Variants in GFRA3 observed in about 807,000 individuals in gnomAD.
The protein encoded by GFRA3 is GDNF family receptor alpha-3.
GFRA3 carries 24 observed loss-of-function variants against 40.0 expected under a neutral mutation model. The ratio of observed to expected loss-of-function variants is 0.60; its 90% CI spans 0.43 to 0.84. GFRA3 has a LOEUF of 0.84. GFRA3 is among the 40% of genes least tolerant of loss of function. GFRA3 has a pLI of 0.00. For missense variants in GFRA3, 405 were observed against 530.6 expected, an observed-to-expected ratio of 0.76 and a Z score of 2.33; for synonymous variants, 203 against 213.5, an observed-to-expected ratio of 0.95 and a Z score of 0.43.
chr5:138,257,176 G>A (rs1366119902), intron 4 of GFRA3, among the ~76,000 whole-genome samples: 8 of 152,036 alleles, frequency 5.3e-5, no homozygotes, highest in Non-Finnish European at 2.9e-5. Context: ...GCTCAAGATC[G>A]CAGAGACCCA....
At chr5:138,271,892 G>GTT (rs772736464) in intron 1 of GFRA3, among the ~76,000 whole-genome samples, 1,189 of 59,546 alleles carry the variant, frequency 0.02, 158 homozygotes, top group Non-Finnish European at 0.027. Flanking sequence ...TTTCTTTTCT[G>GTT]TTTTTTTTTT....
At chr5:138,253,712 C>T in intron 6 of GFRA3, 54 bp downstream of exon 6, 1 of 1,568,620 alleles carries the variant, frequency 6.4e-7, no homozygotes, top group Non-Finnish European at 8.7e-7. Flanking sequence ...TTTTCCTTCC[C>T]TTGAGTCCAG....
At chr5:138,255,054 G>A (rs1174720890) in intron 4 of GFRA3, among the ~76,000 whole-genome samples, 1 of 149,650 alleles carries the variant, frequency 6.7e-6, no homozygotes, top group African/African-American at 2.5e-5. Context: ...AAGAGAGGAA[G>A]GAAGAAAGGA....
intron 2 of GFRA3, among the ~76,000 whole-genome samples, chr5:138,263,824 C>T (rs564178951): frequency 2.6e-5 from 4 of 152,138 alleles, no homozygotes; most frequent in Non-Finnish European, 5.9e-5. Flanking sequence ...CTTTCTGTGC[C>T]TTCTCTCTCT....
intron 3 of GFRA3, among the ~76,000 whole-genome samples, chr5:138,259,037 A>G (rs553510496): frequency 2.0e-4 from 31 of 152,338 alleles, no homozygotes; most frequent in Non-Finnish European, 3.2e-4. Context: ...CAATTAACTC[A>G]TAGCCTCACT....
intron 1 of GFRA3, among the ~76,000 whole-genome samples, chr5:138,265,377 C>T (rs761619288): frequency 6.6e-6 from 1 of 151,924 alleles, no homozygotes; most frequent in Admixed American, 6.6e-5. Flanking sequence ...CCATCACACG[C>T]CCAGCTAATT....
At chr5:138,263,964 C>T (rs1379757241) in intron 2 of GFRA3, among the ~76,000 whole-genome samples, 1 of 152,156 alleles carries the variant, frequency 6.6e-6, no homozygotes, top group African/African-American at 2.4e-5. Flanking sequence ...CATCTCCTGT[C>T]CATACCCGCT....
At chr5:138,259,957 G>A (rs1444436044) in intron 2 of GFRA3, among the ~76,000 whole-genome samples, 1 of 152,176 alleles carries the variant, frequency 6.6e-6, no homozygotes, top group Non-Finnish European at 1.5e-5. Context: ...ATGGTGCTCA[G>A]CACACAGTGT....
chr5:138,268,003 A>G (rs1755810944), intron 1 of GFRA3, among the ~76,000 whole-genome samples: 1 of 152,002 alleles, frequency 6.6e-6, no homozygotes, highest in Non-Finnish European at 1.5e-5. Flanking sequence ...ATGGATTAAG[A>G]ACTTAAATCT....
chr5:138,274,362 C>T lies in GFRA3; in HGVS notation c.63G>A (p.Leu21=). ...CTGCGAGAGGCAGCGGCGACGGCGG[C>T]AGCAGCAGCAGCAACATCAGGACTA... is the stretch of plus-strand genomic sequence containing the variant. ...PPVVLMLLLL[L]PPSPLPLAAG... is the part of the protein sequence containing the mutation. The change falls in exon 1 of 8, where the codon CTG becomes CTA. Residue 21 remains leucine, a synonymous_variant. Transcript: ENST00000274721. The T allele has an allele frequency of 7.5e-7, 1 of 1,326,402 alleles. No individual in the cohort carries two copies. Among genetic ancestry groups the T allele is most frequent in the Non-Finnish European group, 9.7e-7 (1 of 1,034,156 alleles). 82.2% of individuals were successfully genotyped at this position (1,326,402 alleles called of 1,614,324 possible).
In GFRA3 at chr5:138,253,033, G is replaced by T; in HGVS notation, c.1138C>A (p.Gln380Lys). The change falls in exon 8 of 8, where the codon CAG (glutamine) becomes AAG (lysine). Residue 380 changes from glutamine to lysine, a missense_variant. Transcript: ENST00000274721. ...GAGAAAAGAGAGGGCACCCAGGGCTGTGGCCTCACAGCAGGGTTTTCATTC... is the reference window on the plus strand; with the variant it reads ...GAGAAAAGAGAGGGCACCCAGGGCTTTGGCCTCACAGCAGGGTTTTCATTC... ...HQNENPAVRP[Q>K]PWVPSLFSCT... 1 of 1,602,976 alleles carries T rather than the reference G, an allele frequency of 6.2e-7. No individual in the cohort carries two copies. Among genetic ancestry groups the T allele is most frequent in the Non-Finnish European group, 8.5e-7 (1 of 1,170,138 alleles).
chr5:138,274,228 C>T lies in GFRA3; in HGVS notation c.91+106G>A. 2.3e-6 allele frequency: 3 copies of T among 1,282,382 alleles called. No homozygotes were observed. In the Middle Eastern group the frequency reaches 6.4e-4, roughly 274 times the overall value. 79.4% of individuals were successfully genotyped at this position (1,282,382 alleles called of 1,614,324 possible). On this transcript the variant is annotated intron_variant, in intron 1 of 7. Transcript: ENST00000274721. The stretch of plus-strand genomic sequence containing the variant: ...CAGTTCCCCTTGTTCGGCTCGGATG[C>T]ACCGGGAGGCTGCTGCGCCCTCTCC...
In GFRA3 at chr5:138,271,898, T is replaced by G. The variant is rs905382983; in HGVS notation, c.91+2436A>C. ...CGGCAGTATTTTCTTTTCTGTTTTT[T>G]TTTTTTTTTTTTTTTTGTGTGTGTG... is the stretch of plus-strand genomic sequence containing the variant. On this transcript the variant is annotated intron_variant, in intron 1 of 7. Coordinates refer to ENST00000274721, the MANE Select transcript of GFRA3 (RefSeq NM_001496.4). 2.8e-3 allele frequency among the ~76,000 whole-genome samples: 302 copies of G among 108,228 alleles called. 8 individuals are homozygous for G. The East Asian group carries it at 0.053, about 19-fold the overall frequency. The allele number at this position is 108,228 out of a possible 152,430, so 71.0% of individuals were successfully genotyped here. A position where few individuals can be genotyped will look rare whatever the true frequency, so the allele number is the denominator to read the frequency against.
chr5:138,254,030 G>A lies in GFRA3; in HGVS notation c.889+27C>T, dbSNP rs77183860. ...TACCCTCAGGCCTAGCCAACATAGG[G>A]TTCCCTACACATGCCCCCAGCCTCA... On this transcript the variant is annotated intron_variant, in intron 5 of 7. Coordinates refer to ENST00000274721, the MANE Select transcript of GFRA3 (RefSeq NM_001496.4). 4,413 of 1,566,294 alleles carry A rather than the reference G, an allele frequency of 2.8e-3. 110 individuals are homozygous for A. In the African/African-American group the frequency reaches 0.051, roughly 18 times the overall value.
At chr5:138,258,166 CTTTTTTTTTTTTTT>C (rs66792829) in intron 3 of GFRA3, among the ~76,000 whole-genome samples, 13 of 51,650 alleles carry the variant, frequency 2.5e-4, no homozygotes, top group Admixed American at 7.9e-4. Flanking sequence ...CCCTACTCCT[CTTTTTTTTTTTTTT>C]TTTTTTTTTT....
At chr5:138,267,592 C>G (rs1755806319) in intron 1 of GFRA3, 1 of 212,370 alleles carries the variant, frequency 4.7e-6, no homozygotes, top group Non-Finnish European at 1.0e-5. Flanking sequence ...TGTAGTCAGA[C>G]AAAGCACATC....
At position 138,256,772 on chromosome 5, in the gene GFRA3, C is replaced by A. The variant is rs540334296; in HGVS notation, c.785+867G>T. On this transcript the variant is annotated intron_variant, in intron 4 of 7. Coordinates refer to ENST00000274721, the MANE Select transcript of GFRA3 (RefSeq NM_001496.4). ...GACCAGCCTGGCCAACATAGTGAAACCCCATCTCTACCAAAAATAAAGAAA... is the reference window on the plus strand; with the variant it reads ...GACCAGCCTGGCCAACATAGTGAAAACCCATCTCTACCAAAAATAAAGAAA... 2.9e-3 allele frequency among the ~76,000 whole-genome samples: 447 copies of A among 151,638 alleles called. 1 individual carries two copies. The highest frequency in any genetic ancestry group is 5.0e-3 in the Non-Finnish European group (337 of 67,902).
chr5:138,256,472 G>A (rs1222114205), intron 4 of GFRA3, among the ~76,000 whole-genome samples: 4 of 150,120 alleles, frequency 2.7e-5, no homozygotes, highest in South Asian at 2.1e-4. Flanking sequence ...AGGTTGCAGT[G>A]AGCCGAGACT....
chr5:138,260,748 G>A (rs1273553677), intron 2 of GFRA3, among the ~76,000 whole-genome samples: 8 of 151,518 alleles, frequency 5.3e-5, no homozygotes, highest in African/African-American at 1.2e-4. Context: ...CAGCCTGGGC[G>A]ACAGTGAGTC....
Sources: gnomAD v4.1 joint callset for allele counts (sites outside exome capture counted in the v4.1 genomes callset) on GRCh38, gnomAD v4.1.1 for gene constraint, MANE v1.5 for transcripts, NCBI Gene and HGNC (gene_info 2026-07-23, HGNC 2026-07-21) for gene names.